Variants in SEMA5A observed in about 807,000 individuals in gnomAD.
SEMA5A encodes semaphorin-5A.
In SEMA5A, 55 loss-of-function variants were observed where a neutral mutation model predicts 135.5. The observed-to-expected ratio is 0.41, with a 90% confidence interval of 0.33 to 0.51. The LOEUF is 0.51. Ranked by LOEUF, SEMA5A falls within the 20% of genes least tolerant of loss-of-function variation. The pLI is 0.37. For missense variants in SEMA5A, 1,290 were observed against 1,419.9 expected (o/e 0.91, Z 1.47); for synonymous variants, 580 against 546.5 (o/e 1.06, Z -0.85).
intron 16 of SEMA5A, among the ~76,000 whole-genome samples, chr5:9,072,232 T>G (rs1737808156): frequency 6.6e-6 from 1 of 152,254 alleles, no homozygotes; most frequent in South Asian, 2.1e-4. Flanking sequence ...GGGAGACCCA[T>G]GAGTGCCACA....
chr5:9,297,480 A>G (rs1751397626), intron 5 of SEMA5A, among the ~76,000 whole-genome samples: 1 of 152,222 alleles, frequency 6.6e-6, no homozygotes, highest in African/African-American at 2.4e-5. Context: ...TGCCCTCAGC[A>G]GACACTGAAC....
intron 3 of SEMA5A, among the ~76,000 whole-genome samples, chr5:9,344,451 T>C (rs536180964): frequency 6.6e-6 from 1 of 152,302 alleles, no homozygotes; most frequent in East Asian, 1.9e-4. Context: ...AAAATGGTAG[T>C]TGTACCCAGC....
intron 5 of SEMA5A, among the ~76,000 whole-genome samples, chr5:9,294,515 C>T (rs928257037): frequency 6.6e-6 from 1 of 152,202 alleles, no homozygotes; most frequent in Non-Finnish European, 1.5e-5. Flanking sequence ...CATGTCAACA[C>T]CTATTGTGCT....
intron 5 of SEMA5A, among the ~76,000 whole-genome samples, chr5:9,289,183 T>C (rs1450624547): frequency 6.6e-6 from 1 of 152,170 alleles, no homozygotes; most frequent in Non-Finnish European, 1.5e-5. Context: ...TGTGCATGTA[T>C]ATAAGTATAT....
intron 22 of SEMA5A, 140 bp downstream of exon 22, chr5:9,044,233 C>T (rs1736118787): frequency 2.8e-6 from 2 of 723,330 alleles, no homozygotes; most frequent in South Asian, 3.5e-5. Context: ...GTCGTAAGGA[C>T]TAAAGATGTT....
At chr5:9,527,029 G>A (rs1423340511) in intron 1 of SEMA5A, among the ~76,000 whole-genome samples, 1 of 152,172 alleles carries the variant, frequency 6.6e-6, no homozygotes, top group Non-Finnish European at 1.5e-5. Context: ...ACCTGGGTAT[G>A]GTAAGGGGAG....
At chr5:9,324,449 T>A (rs939943078) in intron 4 of SEMA5A, among the ~76,000 whole-genome samples, 3 of 152,186 alleles carry the variant, frequency 2.0e-5, no homozygotes, top group Non-Finnish European at 2.9e-5. Flanking sequence ...AAGAATCTGA[T>A]AAAACACAGT....
At chr5:9,159,598 G>A (rs2150276277) in intron 11 of SEMA5A, among the ~76,000 whole-genome samples, 1 of 152,272 alleles carries the variant, frequency 6.6e-6, no homozygotes, top group African/African-American at 2.4e-5. Flanking sequence ...CTTTTACACT[G>A]CTGGTGAAAA....
At chr5:9,214,451 T>G (rs1020398661) in intron 8 of SEMA5A, among the ~76,000 whole-genome samples, 1 of 152,150 alleles carries the variant, frequency 6.6e-6, no homozygotes, top group African/African-American at 2.4e-5. Context: ...GCTGTTGGTG[T>G]CATAAGAAAT....
At chr5:9,079,872 GT>G (rs1738276146) in intron 16 of SEMA5A, among the ~76,000 whole-genome samples, 1 of 152,154 alleles carries the variant, frequency 6.6e-6, no homozygotes, top group Non-Finnish European at 1.5e-5. Flanking sequence ...AGTTAGAATG[GT>G]GATCATTAAA....
At chr5:9,342,240 A>G (rs1458494348) in intron 3 of SEMA5A, among the ~76,000 whole-genome samples, 1 of 152,172 alleles carries the variant, frequency 6.6e-6, no homozygotes, top group Non-Finnish European at 1.5e-5. Context: ...ACAAACAATA[A>G]AGGGCAGCTC....
At chr5:9,114,841 TGGAATA>T (rs1740429337) in intron 15 of SEMA5A, among the ~76,000 whole-genome samples, 1 of 152,218 alleles carries the variant, frequency 6.6e-6, no homozygotes, top group African/African-American at 2.4e-5. Flanking sequence ...TAGGGAAGGT[TGGAATA>T]CAGTAAAAGC....
chr5:9,440,486 C>T (rs779964161), intron 1 of SEMA5A, among the ~76,000 whole-genome samples: 2 of 152,218 alleles, frequency 1.3e-5, no homozygotes, highest in African/African-American at 2.4e-5. Context: ...TTGGTGCCAA[C>T]AACCTCTGAA....
At chr5:9,095,334 C>T (rs780217361) in intron 16 of SEMA5A, among the ~76,000 whole-genome samples, 16 of 152,032 alleles carry the variant, frequency 1.1e-4, no homozygotes, top group South Asian at 2.1e-4. Context: ...CACCATGGCA[C>T]GTGTATACCT....
intron 1 of SEMA5A, among the ~76,000 whole-genome samples, chr5:9,528,191 T>C (rs457203): frequency 0.34 from 51,909 of 151,940 alleles, 9,059 homozygotes; most frequent in East Asian, 0.41. Context: ...TTCATCCCAA[T>C]TTTCTAAAGA....
At chr5:9,258,799 C>CTTTCTTT (rs1227235795) in intron 5 of SEMA5A, among the ~76,000 whole-genome samples, 3 of 58,296 alleles carry the variant, frequency 5.1e-5, no homozygotes, top group Admixed American at 2.1e-4. Flanking sequence ...TTTCTTCTTT[C>CTTTCTTT]TTTCTTTTTT....
At chr5:9,390,844 A>C (rs1036447256) in intron 2 of SEMA5A, 15 of 152,268 alleles carry the variant, frequency 9.9e-5, no homozygotes, top group African/African-American at 3.6e-4. Context: ...CAAAAAATCC[A>C]AAGTAGGTTA....
At chr5:9,319,556 A>C (rs1752535471) in intron 4 of SEMA5A, among the ~76,000 whole-genome samples, 1 of 152,108 alleles carries the variant, frequency 6.6e-6, no homozygotes, top group Admixed American at 6.6e-5. Context: ...CCTCTAACTG[A>C]AATCCTGGCA....
chr5:9,221,356 G>T (rs959298967), intron 8 of SEMA5A, among the ~76,000 whole-genome samples: 2 of 139,292 alleles, frequency 1.4e-5, no homozygotes, highest in Non-Finnish European at 3.1e-5. Context: ...AGGCTGGAGT[G>T]CAGTGGCGCG....
Sources: gnomAD v4.1 joint callset for allele counts (sites outside exome capture counted in the v4.1 genomes callset) on GRCh38, gnomAD v4.1.1 for gene constraint, MANE v1.5 for transcripts, NCBI Gene and HGNC (gene_info 2026-07-23, HGNC 2026-07-21) for gene names.